Variants in MAF observed in about 807,000 individuals in gnomAD.
The protein encoded by MAF is MAF bZIP transcription factor.
In MAF, 10 loss-of-function variants were observed where a neutral mutation model predicts 22.0. The ratio of observed to expected loss-of-function variants is 0.45; its 90% CI spans 0.28 to 0.77. The LOEUF (loss-of-function observed/expected upper bound fraction) is 0.77. MAF is among the 30% of genes least tolerant of loss of function. MAF has a pLI of 0.12. For synonymous variants in MAF, 337 were observed against 255.8 expected (o/e 1.32, Z -3.03); for missense variants, 544 against 548.4 (o/e 0.99, Z 0.08).
the MAF span, among the ~76,000 whole-genome samples, chr16:79,483,569 G>C: frequency 6.6e-6 from 1 of 151,978 alleles, no homozygotes; most frequent in Non-Finnish European, 1.5e-5. Context: ...AGATTGACCA[G>C]GTCATGAAGC....
chr16:79,236,879 G>A, the MAF span, among the ~76,000 whole-genome samples: 8 of 150,144 alleles, frequency 5.3e-5, no homozygotes, highest in Admixed American at 6.7e-5. Context: ...AGCATGCGAG[G>A]ACATTTCTAA....
At chr16:79,236,351 T>A in the MAF span, among the ~76,000 whole-genome samples, 119,406 of 151,580 alleles carry the variant, frequency 0.79, 48,246 homozygotes, top group Non-Finnish European at 0.86. Context: ...TCCAGGCTCA[T>A]TGAGGGGAGC....
chr16:79,535,801 G>C, the MAF span, among the ~76,000 whole-genome samples: 1 of 151,816 alleles, frequency 6.6e-6, no homozygotes, highest in Non-Finnish European at 1.5e-5. Context: ...GGCTAATCTT[G>C]AACTCCTAAC....
At chr16:79,480,629 T>A in the MAF span, among the ~76,000 whole-genome samples, 1 of 152,048 alleles carries the variant, frequency 6.6e-6, no homozygotes, top group South Asian at 2.1e-4. Context: ...GGTAGAAGGG[T>A]TGGGGAGAGG....
chr16:79,559,771 T>G, the MAF span, among the ~76,000 whole-genome samples: 2 of 152,228 alleles, frequency 1.3e-5, no homozygotes, highest in Non-Finnish European at 2.9e-5. Flanking sequence ...TTCCCTCCTC[T>G]TGATTCTATC....
the MAF span, among the ~76,000 whole-genome samples, chr16:79,300,454 C>T: frequency 6.6e-6 from 1 of 152,120 alleles, no homozygotes; most frequent in Non-Finnish European, 1.5e-5. Context: ...ACTCAGGAGG[C>T]TGAGTCAGGA....
the MAF span, among the ~76,000 whole-genome samples, chr16:79,309,850 C>T: frequency 2.6e-5 from 4 of 152,204 alleles, no homozygotes; most frequent in African/African-American, 9.7e-5. Context: ...GAAAGCCCCA[C>T]AACTCGGCTC....
chr16:79,444,737 G>C, the MAF span, among the ~76,000 whole-genome samples: 2 of 152,336 alleles, frequency 1.3e-5, no homozygotes, highest in South Asian at 4.1e-4. Flanking sequence ...AGAAGCCACA[G>C]AATGCTGCTT....
chr16:79,223,694 C>G, the MAF span, among the ~76,000 whole-genome samples: 1 of 152,166 alleles, frequency 6.6e-6, no homozygotes, highest in African/African-American at 2.4e-5. Context: ...ACTGATCTCA[C>G]AGAAATACAA....
chr16:79,507,890 T>A, the MAF span, among the ~76,000 whole-genome samples: 114 of 152,302 alleles, frequency 7.5e-4, no homozygotes, highest in Non-Finnish European at 8.5e-4. Context: ...ATATATAAAA[T>A]ACCTAATTGT....
At chr16:79,392,369 G>A in the MAF span, among the ~76,000 whole-genome samples, 1 of 149,824 alleles carries the variant, frequency 6.7e-6, no homozygotes, top group Non-Finnish European at 1.5e-5. Context: ...GGGAGAGACA[G>A]GGAGAAGGAA....
the MAF span, chr16:79,212,892 A>AGC: frequency 6.9e-6 from 1 of 145,494 alleles, no homozygotes; most frequent in East Asian, 1.9e-4. Context: ...TTAGCATGCC[A>AGC]GCATATTTTC....
the MAF span, among the ~76,000 whole-genome samples, chr16:79,399,610 C>T: frequency 6.6e-6 from 1 of 152,106 alleles, no homozygotes; most frequent in Non-Finnish European, 1.5e-5. Flanking sequence ...ACGCCCCAGC[C>T]AGGGAGGGGT....
the MAF span, among the ~76,000 whole-genome samples, chr16:79,438,409 G>T: frequency 6.6e-6 from 1 of 152,200 alleles, no homozygotes; most frequent in African/African-American, 2.4e-5. Context: ...ATTAACTGGG[G>T]CATGTGGGTA....
At chr16:79,217,170 G>C in the MAF span, among the ~76,000 whole-genome samples, 1 of 152,166 alleles carries the variant, frequency 6.6e-6, no homozygotes. Context: ...CAGTTGATGG[G>C]TTAGGCAAAT....
chr16:79,575,490 G>T, the MAF span, among the ~76,000 whole-genome samples: 2 of 152,310 alleles, frequency 1.3e-5, no homozygotes, highest in African/African-American at 4.8e-5. Context: ...CTGACCAAGA[G>T]GAGCCAATCA....
chr16:79,473,783 T>A, the MAF span, among the ~76,000 whole-genome samples: 8 of 152,218 alleles, frequency 5.3e-5, no homozygotes, highest in Non-Finnish European at 1.0e-4. Context: ...ATTTTACACT[T>A]AAAGATACAG....
chr16:79,278,512 A>G, the MAF span, among the ~76,000 whole-genome samples: 3 of 152,070 alleles, frequency 2.0e-5, no homozygotes, highest in Admixed American at 1.3e-4. Flanking sequence ...CCTAAGAACC[A>G]TTTTCTCTCT....
At chr16:79,373,111 A>G in the MAF span, among the ~76,000 whole-genome samples, 5 of 152,156 alleles carry the variant, frequency 3.3e-5, no homozygotes, top group Non-Finnish European at 7.3e-5. Flanking sequence ...CCCTTCTTAT[A>G]AACTCTGTAA....
Sources: gnomAD v4.1 joint callset for allele counts (sites outside exome capture counted in the v4.1 genomes callset) on GRCh38, gnomAD v4.1.1 for gene constraint, MANE v1.5 for transcripts, NCBI Gene and HGNC (gene_info 2026-07-23, HGNC 2026-07-21) for gene names.